Variants in NUP85 observed in about 807,000 individuals in gnomAD.
NUP85 encodes the protein nuclear pore complex protein Nup85.
Under a neutral mutation model 92.8 loss-of-function variants are expected in NUP85, and 23 were observed. The ratio of observed to expected loss-of-function variants is 0.25; its 90% CI spans 0.18 to 0.35. The LOEUF is 0.35. Ranked by LOEUF, NUP85 falls within the 10% of genes least tolerant of loss-of-function variation. NUP85 has a pLI of 1.00. For synonymous variants in NUP85, 314 were observed against 306.9 expected, an observed-to-expected ratio of 1.02 and a Z score of -0.24; for missense variants, 759 against 822.8, an observed-to-expected ratio of 0.92 and a Z score of 0.95.
intron 2 of NUP85, among the ~76,000 whole-genome samples, chr17:75,209,290 G>A (rs185259306): frequency 6.6e-6 from 1 of 152,264 alleles, no homozygotes; most frequent in East Asian, 1.9e-4. Context: ...AGGCACAGAT[G>A]GAGCTGGAGA....
At chr17:75,209,738 G>T in intron 2 of NUP85, 85 bp from the exon 3 acceptor site, 1 of 1,178,450 alleles carries the variant, frequency 8.5e-7, no homozygotes, top group Non-Finnish European at 1.1e-6. Flanking sequence ...CACCATGCCC[G>T]GCCACAGAAA....
chr17:75,230,352 CAT>C (rs1361527460), intron 11 of NUP85, among the ~76,000 whole-genome samples: 2 of 111,526 alleles, frequency 1.8e-5, no homozygotes, highest in Admixed American at 1.1e-4. Flanking sequence ...AGGTGTACAA[CAT>C]GTTTTTTGTT....
At chr17:75,215,394 G>T (rs946639688) in intron 5 of NUP85, among the ~76,000 whole-genome samples, 3 of 152,046 alleles carry the variant, frequency 2.0e-5, no homozygotes, top group Non-Finnish European at 2.9e-5. Context: ...ATTTTTTGTT[G>T]AGACAGGATC....
At chr17:75,229,400 C>T (rs1461756178) in intron 11 of NUP85, among the ~76,000 whole-genome samples, 1 of 152,170 alleles carries the variant, frequency 6.6e-6, no homozygotes, top group Non-Finnish European at 1.5e-5. Flanking sequence ...GCTACAGTTG[C>T]TTAGAGGGGT....
intron 7 of NUP85, among the ~76,000 whole-genome samples, chr17:75,224,115 A>G (rs1249713640): frequency 6.6e-6 from 1 of 151,998 alleles, no homozygotes; most frequent in Non-Finnish European, 1.5e-5. Flanking sequence ...GCACAATCTC[A>G]GCTCACTGCA....
intron 7 of NUP85, among the ~76,000 whole-genome samples, chr17:75,224,468 A>G (rs2075702264): frequency 6.6e-6 from 1 of 152,140 alleles, no homozygotes; most frequent in South Asian, 2.1e-4. Flanking sequence ...AATCAACAGC[A>G]CACACCATGA....
chr17:75,235,054 A>AG lies in NUP85; in HGVS notation c.1768-44dup, dbSNP rs1568099360. The AG allele has an allele frequency of 2.0e-6, 3 of 1,479,268 alleles. No individual in the cohort carries two copies. The Admixed American group carries it at 5.1e-5, about 25-fold the overall frequency. The allele number at this position is 1,479,268 out of a possible 1,614,324, so 91.6% of individuals were successfully genotyped here. ...CATGGGCCCCTGCCCCAACCAATGC[A>AG]GGCCAGGGCTGGGGGCAGCCAAGCA... On this transcript the variant is annotated intron_variant, in intron 17 of 18. Coordinates refer to ENST00000245544, the MANE Select transcript of NUP85 (RefSeq NM_024844.5).
chr17:75,225,045 C>T, intron 7 of NUP85, 58 bp from the exon 8 acceptor site: 3 of 1,499,404 alleles, frequency 2.0e-6, no homozygotes, highest in Non-Finnish European at 2.7e-6. Flanking sequence ...CTGGCCTCCT[C>T]ACGCCTCGGC....
chr17:75,229,631 A>G (rs765469339), intron 11 of NUP85, among the ~76,000 whole-genome samples: 2 of 152,168 alleles, frequency 1.3e-5, no homozygotes, highest in African/African-American at 2.4e-5. Flanking sequence ...TGTGTGGTTC[A>G]GGCCTGCTGG....
In NUP85 at chr17:75,231,664, C is replaced by T. The variant is rs762407167; in HGVS notation, c.1244+26C>T. 76 of 1,612,638 alleles carry T rather than the reference C, an allele frequency of 4.7e-5. No individual in the cohort carries two copies. The highest frequency in any genetic ancestry group is 5.9e-5 in the Non-Finnish European group (70 of 1,179,096). ...GTAGGAAGGACCCCATGGGTGTGGG[C>T]TATGCGGGTGCTCTTCAGCATGCGG... is the stretch of plus-strand genomic sequence containing the variant. On this transcript the variant is annotated intron_variant, in intron 13 of 18. Transcript: ENST00000245544. This position sits in a 1 kb window ranked among gnomAD's most constrained non-coding sequence, Gnocchi z 4.6.
chr17:75,233,405 CTT>C (rs2076165346), intron 16 of NUP85, among the ~76,000 whole-genome samples: 1 of 99,216 alleles, frequency 1.0e-5, no homozygotes, highest in African/African-American at 3.1e-5. Context: ...TTCTCTTTCT[CTT>C]TCTTTCTTTC....
intron 11 of NUP85, among the ~76,000 whole-genome samples, chr17:75,227,257 C>T (rs2145367576): frequency 6.6e-6 from 1 of 151,552 alleles, no homozygotes; most frequent in South Asian, 2.1e-4. Flanking sequence ...CAAAAGAATG[C>T]CAGGGCTTCA....
chr17:75,230,363 T>TTG (rs202128511), intron 11 of NUP85, among the ~76,000 whole-genome samples: 381 of 4,790 alleles, frequency 0.08, no homozygotes, highest in South Asian at 0.22. Flanking sequence ...ATGTTTTTTG[T>TTG]TTTTTTTTTT....
chr17:75,214,930 G>C (rs1311711755), intron 5 of NUP85, among the ~76,000 whole-genome samples: 1 of 152,130 alleles, frequency 6.6e-6, no homozygotes, highest in East Asian at 1.9e-4. Flanking sequence ...CCAGCACTTT[G>C]GGAGGCCGAG....
At chr17:75,220,878 ATTTTT>A (rs71159457) in intron 7 of NUP85, among the ~76,000 whole-genome samples, 1 of 97,562 alleles carries the variant, frequency 1.0e-5, no homozygotes, top group Non-Finnish European at 1.9e-5. Flanking sequence ...CACCATCCCA[ATTTTT>A]TTTTTTTTTT....
At chr17:75,218,160 G>C (rs745700652) in intron 6 of NUP85, 25 bp from the exon 7 acceptor site, 1 of 1,613,446 alleles carries the variant, frequency 6.2e-7, no homozygotes, top group Non-Finnish European at 8.5e-7. Context: ...AGGCTTTTGT[G>C]TGTGATGAGA....
chr17:75,229,122 G>T (rs563256548), intron 11 of NUP85: 84 of 985,282 alleles, frequency 8.5e-5, no homozygotes, highest in Non-Finnish European at 9.5e-5. Flanking sequence ...CAAAAGTATC[G>T]AGCTAAAAGG....
At chr17:75,229,312 A>G (rs1227810685) in intron 11 of NUP85, among the ~76,000 whole-genome samples, 1 of 152,152 alleles carries the variant, frequency 6.6e-6, no homozygotes, top group East Asian at 1.9e-4. Context: ...TGATTACTCC[A>G]GAGCCCCCAA....
At position 75,231,229 on chromosome 17, in the gene NUP85, G is replaced by A. The variant is rs2076045268; in HGVS notation, c.1095-111G>A. On this transcript the variant is annotated intron_variant, in intron 11 of 18. Transcript: ENST00000245544. This position sits in a 1 kb window ranked among gnomAD's most constrained non-coding sequence, Gnocchi z 4.6. ...CGGGCATGAGCTATCATCACGCCCG[G>A]CCCCATCTCTTTGAGGGACAGGACA... 1 of 1,011,036 alleles carries A rather than the reference G, an allele frequency of 9.9e-7. No homozygotes were observed. Among genetic ancestry groups the A allele is most frequent in the East Asian group, 2.4e-5 (1 of 42,008 alleles). 62.6% of individuals were successfully genotyped at this position (1,011,036 alleles called of 1,614,324 possible).
Sources: allele counts gnomAD v4.1 joint callset (sites outside exome capture counted in the v4.1 genomes callset), GRCh38; gene constraint gnomAD v4.1.1; non-coding constraint Gnocchi (gnomAD v3.1); transcripts MANE v1.5; gene names NCBI Gene and HGNC (gene_info 2026-07-23, HGNC 2026-07-21).